ZNF804B: variants seen among roughly 807,000 people sequenced by gnomAD.
ZNF804B encodes zinc finger 804B.
In ZNF804B, 80 loss-of-function variants were observed where a neutral mutation model predicts 101.4. That is an observed-to-expected ratio of 0.79 (90% CI 0.66 to 0.95). The LOEUF is 0.95. Among genes scored for constraint, ZNF804B ranks in the 40% least tolerant of loss-of-function variants. The probability of loss-of-function intolerance (pLI) is 0.00; values close to 1 mark genes in which losing one functional copy is unlikely to be tolerated. For synonymous variants in ZNF804B, 622 were observed against 558.8 expected (o/e 1.11, Z -1.59); for missense variants, 1,673 against 1,561.9 (o/e 1.07, Z -1.20).
At chr7:88,936,152 G>A (rs1341245348) in intron 1 of ZNF804B, among the ~76,000 whole-genome samples, 1 of 147,664 alleles carries the variant, frequency 6.8e-6, no homozygotes, top group Non-Finnish European at 1.5e-5. Context: ...GAATACTATT[G>A]CTGAAATGTC....
intron 1 of ZNF804B, among the ~76,000 whole-genome samples, chr7:89,125,451 G>T (rs1333281225): frequency 1.3e-5 from 2 of 151,418 alleles, no homozygotes; most frequent in Non-Finnish European, 2.9e-5. Flanking sequence ...ATATCTCAAA[G>T]AAACCAATTT....
intron 1 of ZNF804B, among the ~76,000 whole-genome samples, chr7:89,000,602 A>G (rs1026624061): frequency 7.9e-5 from 12 of 151,834 alleles, no homozygotes; most frequent in African/African-American, 2.4e-4. Context: ...TTATCTTCCA[A>G]CTGAAAGTTT....
At chr7:88,964,063 C>T (rs1793424134) in intron 1 of ZNF804B, among the ~76,000 whole-genome samples, 1 of 151,332 alleles carries the variant, frequency 6.6e-6, no homozygotes, top group Non-Finnish European at 1.5e-5. Context: ...GAAATTGAAA[C>T]ACTTGTGCAC....
At chr7:89,015,493 C>T (rs547413100) in intron 1 of ZNF804B, among the ~76,000 whole-genome samples, 1 of 151,924 alleles carries the variant, frequency 6.6e-6, no homozygotes, top group Admixed American at 6.6e-5. Flanking sequence ...CCGCTCCCCC[C>T]ACCCCACAAC....
At chr7:88,795,598 T>C (rs1396971589) in intron 1 of ZNF804B, 1 of 152,172 alleles carries the variant, frequency 6.6e-6, no homozygotes, top group African/African-American at 2.4e-5. Context: ...TAACTTACTC[T>C]GCTTACAAAT....
chr7:89,270,212 G>A (rs1562932585), intron 2 of ZNF804B, among the ~76,000 whole-genome samples: 1 of 152,162 alleles, frequency 6.6e-6, no homozygotes, highest in Non-Finnish European at 1.5e-5. Flanking sequence ...AAACATTTAA[G>A]TCTTTAATCC....
chr7:89,307,107 G>A (rs942818040), intron 2 of ZNF804B, among the ~76,000 whole-genome samples: 1 of 151,912 alleles, frequency 6.6e-6, no homozygotes, highest in African/African-American at 2.4e-5. Flanking sequence ...TTTAATGAGA[G>A]AAAAACATGA....
At chr7:88,824,257 G>C (rs1375461017) in intron 1 of ZNF804B, among the ~76,000 whole-genome samples, 1 of 152,134 alleles carries the variant, frequency 6.6e-6, no homozygotes, top group Non-Finnish European at 1.5e-5. Context: ...TGTTGTGGAA[G>C]GGACCCAGAG....
chr7:89,029,688 G>T (rs1290545978), intron 1 of ZNF804B, among the ~76,000 whole-genome samples: 1 of 151,904 alleles, frequency 6.6e-6, no homozygotes, highest in Non-Finnish European at 1.5e-5. Flanking sequence ...TCATTCTTAT[G>T]GTCATCAGAT....
At chr7:89,296,467 ACTC>A (rs975790893) in intron 2 of ZNF804B, among the ~76,000 whole-genome samples, 3 of 151,790 alleles carry the variant, frequency 2.0e-5, no homozygotes, top group African/African-American at 7.3e-5. Flanking sequence ...GGAGGACAGA[ACTC>A]CTTCTACTTT....
chr7:89,082,104 A>T (rs1327170571), intron 1 of ZNF804B, among the ~76,000 whole-genome samples: 1 of 151,786 alleles, frequency 6.6e-6, no homozygotes, highest in Non-Finnish European at 1.5e-5. Context: ...TATCTACCAA[A>T]ATATTACCCA....
At chr7:89,162,776 G>T (rs536204353) in intron 1 of ZNF804B, among the ~76,000 whole-genome samples, 1 of 148,730 alleles carries the variant, frequency 6.7e-6, no homozygotes, top group Non-Finnish European at 1.5e-5. Context: ...CTAGCATTAG[G>T]TATATCTCCC....
At chr7:89,097,173 C>T (rs537628469) in intron 1 of ZNF804B, among the ~76,000 whole-genome samples, 138 of 152,292 alleles carry the variant, frequency 9.1e-4, no homozygotes, top group African/African-American at 2.3e-3. Flanking sequence ...CTGCAATCCC[C>T]GTCCCTCACT....
chr7:89,002,279 A>G (rs1035329152), intron 1 of ZNF804B, among the ~76,000 whole-genome samples: 3 of 151,804 alleles, frequency 2.0e-5, no homozygotes, highest in African/African-American at 7.2e-5. Flanking sequence ...TAATTTAGTT[A>G]AGCTAGAAAT....
At chr7:88,943,918 T>C (rs1793091085) in intron 1 of ZNF804B, among the ~76,000 whole-genome samples, 1 of 151,898 alleles carries the variant, frequency 6.6e-6, no homozygotes, top group Admixed American at 6.6e-5. Flanking sequence ...TCATATTCAT[T>C]CATTTCATCG....
intron 2 of ZNF804B, among the ~76,000 whole-genome samples, chr7:89,268,351 A>G (rs1214150021): frequency 6.6e-6 from 1 of 152,138 alleles, no homozygotes; most frequent in East Asian, 1.9e-4. Flanking sequence ...TAGGGAAGTC[A>G]GTCAATATTG....
intron 1 of ZNF804B, among the ~76,000 whole-genome samples, chr7:88,785,615 A>G (rs530340044): frequency 1.3e-5 from 2 of 152,130 alleles, no homozygotes; most frequent in South Asian, 2.1e-4. Flanking sequence ...AAATGTTTGC[A>G]TAATCTGGCC....
chr7:88,863,881 C>T (rs1051303862), intron 1 of ZNF804B, among the ~76,000 whole-genome samples: 3 of 152,198 alleles, frequency 2.0e-5, no homozygotes, highest in Admixed American at 6.5e-5. Flanking sequence ...TTGGCCGTCA[C>T]GTGCCTGTCT....
intron 1 of ZNF804B, among the ~76,000 whole-genome samples, chr7:89,200,709 A>T (rs1419274448): frequency 6.6e-6 from 1 of 152,046 alleles, no homozygotes. Flanking sequence ...GGACTGAGGA[A>T]ATCATTTATG....
Sources: allele counts gnomAD v4.1 joint callset (sites outside exome capture counted in the v4.1 genomes callset), GRCh38; gene constraint gnomAD v4.1.1; transcripts MANE v1.5; gene names NCBI Gene and HGNC (gene_info 2026-07-23, HGNC 2026-07-21).